DCT: variants seen among roughly 807,000 people sequenced by gnomAD.
DCT encodes the protein dopachrome tautomerase, also known as L-dopachrome tautomerase.
In DCT, 47 loss-of-function variants were observed where a neutral mutation model predicts 53.0. The ratio of observed to expected loss-of-function variants is 0.89; its 90% CI spans 0.70 to 1.13. The LOEUF (loss-of-function observed/expected upper bound fraction) is 1.13. Ranked by LOEUF, DCT falls within the 50% of genes most tolerant of loss-of-function variation. The pLI is 0.00. For missense variants in DCT, 669 were observed against 637.4 expected (o/e 1.05, Z -0.53); for synonymous variants, 244 against 237.0 (o/e 1.03, Z -0.27).
chr13:94,452,999 T>A (rs537330864), intron 6 of DCT, among the ~76,000 whole-genome samples: 2 of 152,280 alleles, frequency 1.3e-5, no homozygotes, highest in Admixed American at 1.3e-4. Context: ...ATATTTTGAA[T>A]CTTTTATGTG....
At chr13:94,472,033 C>G (rs1422180940) in intron 1 of DCT, among the ~76,000 whole-genome samples, 1 of 152,024 alleles carries the variant, frequency 6.6e-6, no homozygotes, top group African/African-American at 2.4e-5. Flanking sequence ...TAATAAATAA[C>G]ACACCTAAAA....
the DCT span, among the ~76,000 whole-genome samples, chr13:94,538,715 T>C: frequency 6.6e-6 from 1 of 152,200 alleles, no homozygotes. Context: ...AGACCTCAGA[T>C]TGAAAAAGAA....
intron 3 of DCT, 81 bp downstream of exon 3, chr13:94,466,476 CA>C: frequency 1.2e-6 from 1 of 813,734 alleles, no homozygotes; most frequent in Non-Finnish European, 1.9e-6. Context: ...ATAAGTATAT[CA>C]AAATTCACAC....
chr13:94,462,790 C>T (rs892377619), intron 4 of DCT, among the ~76,000 whole-genome samples: 1 of 152,124 alleles, frequency 6.6e-6, no homozygotes, highest in African/African-American at 2.4e-5. Context: ...CAAGATGACT[C>T]CTATTGTGTG....
At chr13:94,476,798 T>A (rs1032252950) in intron 1 of DCT, among the ~76,000 whole-genome samples, 11 of 152,264 alleles carry the variant, frequency 7.2e-5, no homozygotes, top group Non-Finnish European at 1.2e-4. Flanking sequence ...GAAATAATTG[T>A]TCTAGAAGTA....
chr13:94,515,881 A>C, the DCT span, among the ~76,000 whole-genome samples: 1 of 152,210 alleles, frequency 6.6e-6, no homozygotes, highest in Non-Finnish European at 1.5e-5. Context: ...ACATCCAGAT[A>C]ACAAGGAAGA....
At chr13:94,511,876 T>A in the DCT span, among the ~76,000 whole-genome samples, 2 of 149,476 alleles carry the variant, frequency 1.3e-5, no homozygotes, top group Non-Finnish European at 3.0e-5. Flanking sequence ...GTGTTTGTGT[T>A]TTAAGAGATG....
intron 3 of DCT, 116 bp from the exon 4 acceptor site, chr13:94,465,915 C>A: frequency 2.1e-6 from 1 of 479,788 alleles, no homozygotes; most frequent in Non-Finnish European, 3.2e-6. Context: ...ACAAAGACTA[C>A]TGGATGGATA....
At chr13:94,488,723 TACACACAC>T in the DCT span, among the ~76,000 whole-genome samples, 17,668 of 138,952 alleles carry the variant, frequency 0.13, 1,219 homozygotes, top group Non-Finnish European at 0.16. Flanking sequence ...GTCTAATATA[TACACACAC>T]ACACACACAC....
chr13:94,507,188 A>G, the DCT span, among the ~76,000 whole-genome samples: 3 of 152,224 alleles, frequency 2.0e-5, no homozygotes, highest in Non-Finnish European at 4.4e-5. Flanking sequence ...GAATGAGTAA[A>G]TATCATTGTA....
intron 4 of DCT, 154 bp downstream of exon 4, chr13:94,465,479 G>T: frequency 5.9e-6 from 3 of 511,032 alleles, no homozygotes; most frequent in Non-Finnish European, 9.4e-6. Context: ...TTGAATTTTT[G>T]AAATCCCACC....
chr13:94,495,296 C>A, the DCT span, among the ~76,000 whole-genome samples: 3 of 152,200 alleles, frequency 2.0e-5, no homozygotes, highest in South Asian at 6.2e-4. Flanking sequence ...AGGGTTTCAC[C>A]ATGATGCCTG....
chr13:94,478,989 T>A lies in DCT; in HGVS notation c.267A>T (p.Lys89Asn), dbSNP rs771963278. 5 of 1,612,346 alleles carry A rather than the reference T, an allele frequency of 3.1e-6. No homozygotes were observed. The African/African-American group carries it at 6.7e-5, about 22-fold the overall frequency. ...NQDDRELWPRKFFHRTCKCTG... is the reference protein window; with the variant it reads ...NQDDRELWPRNFFHRTCKCTG... ...TGCACTTGCAGGTCCGGTGGAAGAATTTTCTTGGCCACAGCTCACGGTCAT... is the reference window on the plus strand; with the variant it reads ...TGCACTTGCAGGTCCGGTGGAAGAAATTTCTTGGCCACAGCTCACGGTCAT... Residue 89 changes from lysine (K) to asparagine (N), a missense_variant, in exon 1 of 8, where the codon AAA becomes AAT. Physicochemically the swap from Lys to Asn is moderately conservative, Grantham distance 94. Transcript: ENST00000377028.
rs1884994542 is a variant in DCT at position 94,475,247 on chromosome 13, A to ACTT, written c.295+3711_295+3713dup. On this transcript the variant is annotated intron_variant, in intron 1 of 7. Transcript: ENST00000377028. ...TAACTTCCCAGCTCAGTCACTAAGG[A>ACTT]CTTAGTCTCGTGCCCTGAGATTCAA... 2.6e-5 allele frequency among the ~76,000 whole-genome samples: 4 copies of ACTT among 152,238 alleles called. No individual in the cohort carries two copies. The South Asian group carries it at 8.3e-4, about 31-fold the overall frequency.
intron 2 of DCT, chr13:94,467,453 A>T (rs1005488212): frequency 3.9e-5 from 6 of 152,246 alleles, no homozygotes; most frequent in Non-Finnish European, 7.3e-5. Flanking sequence ...ATTCGTAGCT[A>T]TGACCAGAAA....
the DCT span, among the ~76,000 whole-genome samples, chr13:94,515,014 G>A: frequency 3.8e-4 from 58 of 152,254 alleles, no homozygotes; most frequent in Middle Eastern, 0.017. Context: ...GAGCTCTCAG[G>A]AATAGGATTA....
At chr13:94,495,970 A>G in the DCT span, among the ~76,000 whole-genome samples, 2 of 152,322 alleles carry the variant, frequency 1.3e-5, no homozygotes, top group South Asian at 4.1e-4. Context: ...GGCTCTTCCC[A>G]GAAAGGAACA....
At chr13:94,484,228 T>G (rs1239372458), upstream of DCT, among the ~76,000 whole-genome samples, 1 of 152,078 alleles carries the variant, frequency 6.6e-6, no homozygotes, top group Non-Finnish European at 1.5e-5. Context: ...TTGGAAGAGG[T>G]CCACCTTACT....
In DCT at chr13:94,439,874, T is replaced by C; in HGVS notation, c.*24A>G. 6.3e-7 allele frequency: 1 copy of C among 1,589,530 alleles called. No homozygotes were observed. Among genetic ancestry groups the C allele is most frequent in the Non-Finnish European group, 8.6e-7 (1 of 1,167,344 alleles). The stretch of plus-strand genomic sequence containing the variant: ...CAGAACTGTGGCTTGGCCAGCCTCT[T>C]CTCTTAGGTAAGGCATGAGCACCCT... On this transcript the variant is annotated 3_prime_UTR_variant, in exon 8 of 8. Transcript: ENST00000377028.
Sources: gnomAD v4.1 joint callset for allele counts (sites outside exome capture counted in the v4.1 genomes callset) on GRCh38, gnomAD v4.1.1 for gene constraint, MANE v1.5 for transcripts, NCBI Gene and HGNC (gene_info 2026-07-23, HGNC 2026-07-21) for gene names.